TTC1: variants seen among roughly 807,000 people sequenced by gnomAD.
The protein encoded by TTC1 is tetratricopeptide repeat protein 1.
A neutral mutation model predicts 37.6 loss-of-function variants in TTC1; 31 were observed. That is an observed-to-expected ratio of 0.82 (90% confidence interval 0.62 to 1.11). The LOEUF is 1.11. Ranked by LOEUF, TTC1 falls within the 50% of genes most tolerant of loss-of-function variation. The pLI is 0.00. For missense variants in TTC1, 351 were observed against 339.0 expected (o/e 1.04, Z -0.28); for synonymous variants, 127 against 122.4 (o/e 1.04, Z -0.25).
chr5:160,056,144 C>T lies in TTC1; in HGVS notation c.745+4961C>T, dbSNP rs545995517. Among the ~76,000 whole-genome samples, 4 of 152,324 alleles carry T rather than the reference C, an allele frequency of 2.6e-5. No individual in the cohort carries two copies. In the South Asian group the frequency reaches 6.2e-4, roughly 24 times the overall value. On this transcript the variant is annotated intron_variant, in intron 7 of 7. Coordinates refer to ENST00000231238, the MANE Select transcript of TTC1 (RefSeq NM_003314.3). ...CTTGACCTAGAGCAGTTACTTGAAACTTATCTACTTCCCTCAAAGAAACCA... is the reference window on the plus strand; with the variant it reads ...CTTGACCTAGAGCAGTTACTTGAAATTTATCTACTTCCCTCAAAGAAACCA...
chr5:160,023,449 GCCCAGCTA>G (rs1042675046), intron 2 of TTC1, among the ~76,000 whole-genome samples: 6 of 151,902 alleles, frequency 3.9e-5, no homozygotes, highest in African/African-American at 1.4e-4. Flanking sequence ...AAGCCACCAC[GCCCAGCTA>G]ATTTTTTTTA....
At chr5:160,041,111 A>G (rs1317022013) in intron 4 of TTC1, among the ~76,000 whole-genome samples, 1 of 152,084 alleles carries the variant, frequency 6.6e-6, no homozygotes, top group Non-Finnish European at 1.5e-5. Context: ...TGAAACTGTC[A>G]TCTCCATCTC....
At chr5:160,016,203 C>T (rs565074918) in intron 2 of TTC1, among the ~76,000 whole-genome samples, 1 of 152,222 alleles carries the variant, frequency 6.6e-6, no homozygotes, top group Admixed American at 6.5e-5. Flanking sequence ...CATGGTGAAA[C>T]CCCATCTCTA....
intron 2 of TTC1, among the ~76,000 whole-genome samples, chr5:160,017,070 A>C (rs1229525196): frequency 2.6e-5 from 4 of 152,204 alleles, no homozygotes; most frequent in African/African-American, 9.6e-5. Flanking sequence ...AGATATAACT[A>C]CCCACAGGAA....
chr5:160,064,698 T>A (rs1753546723), intron 7 of TTC1, among the ~76,000 whole-genome samples: 1 of 152,186 alleles, frequency 6.6e-6, no homozygotes, highest in Admixed American at 6.5e-5. Context: ...GACTCCACTC[T>A]CATCTATGCA....
intron 4 of TTC1, 94 bp from the exon 5 acceptor site, chr5:160,043,039 T>C (rs761474306): frequency 5.0e-5 from 63 of 1,271,782 alleles, no homozygotes; most frequent in South Asian, 5.8e-5. Context: ...TGTATCTCCA[T>C]AAGCAGTTAT....
At chr5:160,015,623 C>G (rs1020140645) in intron 2 of TTC1, among the ~76,000 whole-genome samples, 1 of 152,206 alleles carries the variant, frequency 6.6e-6, no homozygotes, top group African/African-American at 2.4e-5. Flanking sequence ...CTCCCTCTAC[C>G]TTTCCCTGTG....
chr5:160,050,952 C>T (rs964002541), intron 6 of TTC1, among the ~76,000 whole-genome samples, 177 bp from the exon 7 acceptor site: 4 of 147,960 alleles, frequency 2.7e-5, no homozygotes, highest in East Asian at 2.0e-4. Flanking sequence ...CTTTATGTAG[C>T]GCACCACAAA....
intron 1 of TTC1, among the ~76,000 whole-genome samples, chr5:160,009,785 T>A (rs574274889): frequency 1.3e-5 from 2 of 152,300 alleles, no homozygotes; most frequent in South Asian, 4.1e-4. Context: ...TAGGGTCACC[T>A]GCGCCAGGGT....
chr5:160,009,677 G>C (rs1756459914), intron 1 of TTC1, among the ~76,000 whole-genome samples: 1 of 152,202 alleles, frequency 6.6e-6, no homozygotes, highest in South Asian at 2.1e-4. Flanking sequence ...GGTCTGAGCA[G>C]TGGTATTTTC....
intron 2 of TTC1, among the ~76,000 whole-genome samples, chr5:160,011,638 T>C (rs1467991962): frequency 1.3e-5 from 2 of 152,272 alleles, no homozygotes; most frequent in Non-Finnish European, 1.5e-5. Context: ...TAATAAAATG[T>C]ACACTCTCCT....
intron 2 of TTC1, among the ~76,000 whole-genome samples, chr5:160,022,353 T>A (rs962997236): frequency 2.0e-5 from 3 of 152,232 alleles, no homozygotes; most frequent in Non-Finnish European, 4.4e-5. Context: ...TTTGCCATGC[T>A]ACCCAGGATT....
intron 4 of TTC1, among the ~76,000 whole-genome samples, chr5:160,042,173 G>T (rs541952776): frequency 6.6e-6 from 1 of 152,078 alleles, no homozygotes; most frequent in African/African-American, 2.4e-5. Context: ...CTAGTGATCC[G>T]CCCACCTTGG....
At chr5:160,053,040 C>T (rs1018328089) in intron 7 of TTC1, among the ~76,000 whole-genome samples, 3 of 152,074 alleles carry the variant, frequency 2.0e-5, no homozygotes, top group Non-Finnish European at 2.9e-5. Flanking sequence ...CAATAGATAA[C>T]CTAGAAGAGA....
intron 4 of TTC1, among the ~76,000 whole-genome samples, chr5:160,039,996 T>C (rs1757059787): frequency 1.3e-5 from 2 of 152,202 alleles, no homozygotes; most frequent in African/African-American, 4.8e-5. Flanking sequence ...AAATGTGTTA[T>C]TAGGTGATTT....
At chr5:160,045,584 A>G (rs1434819147) in intron 5 of TTC1, among the ~76,000 whole-genome samples, 1 of 148,412 alleles carries the variant, frequency 6.7e-6, no homozygotes, top group African/African-American at 2.5e-5. Context: ...CTCAATTCAT[A>G]AACCTTGGCA....
intron 7 of TTC1, among the ~76,000 whole-genome samples, chr5:160,060,950 C>T (rs1048274059): frequency 3.9e-5 from 6 of 152,230 alleles, no homozygotes; most frequent in Admixed American, 1.3e-4. Flanking sequence ...CAATGTGGGA[C>T]TAACTTTCTG....
intron 2 of TTC1, among the ~76,000 whole-genome samples, chr5:160,029,580 T>A (rs534985211): frequency 6.6e-6 from 1 of 151,778 alleles, no homozygotes; most frequent in Admixed American, 6.6e-5. Flanking sequence ...CCCAGGAGGT[T>A]GAGGCTGCAG....
intron 1 of TTC1, among the ~76,000 whole-genome samples, chr5:160,009,447 G>A (rs184988327): frequency 1.3e-5 from 2 of 152,244 alleles, no homozygotes; most frequent in African/African-American, 4.8e-5. Flanking sequence ...TACAAGGGTC[G>A]TTGGCGTGAT....
Sources: allele counts gnomAD v4.1 joint callset (sites outside exome capture counted in the v4.1 genomes callset), GRCh38; gene constraint gnomAD v4.1.1; transcripts MANE v1.5; gene names NCBI Gene and HGNC (gene_info 2026-07-23, HGNC 2026-07-21).